The following PTPN12 variants were observed in gnomAD, a reference collection of about 807,000 sequenced individuals.
PTPN12 encodes the protein tyrosine-protein phosphatase non-receptor type 12.
In PTPN12, 29 loss-of-function variants were observed where a neutral mutation model predicts 97.6. The observed-to-expected ratio is 0.30, with a 90% CI of 0.22 to 0.41. The LOEUF (loss-of-function observed/expected upper bound fraction) is 0.41, where lower values mean the gene tolerates loss of function less well. Among genes scored for constraint, PTPN12 ranks in the 10% least tolerant of loss-of-function variants. The pLI is 1.00. For missense variants in PTPN12, 819 were observed against 926.0 expected, an observed-to-expected ratio of 0.88 and a Z score of 1.50; for synonymous variants, 327 against 300.4, an observed-to-expected ratio of 1.09 and a Z score of -0.91.
chr7:77,637,003 A>C lies in PTPN12; in HGVS notation c.2143-15A>C, dbSNP rs1383135865. ...ATGAATGTATTGTAATAGGTATTAA[A>C]TGTCTTCCTCGTAGGGCTTGATAAC... On this transcript the variant is annotated splice_polypyrimidine_tract_variant and intron_variant, in intron 15 of 17. Transcript: ENST00000248594. 6.2e-7 allele frequency: 1 copy of C among 1,600,238 alleles called. No individual in the cohort carries two copies. Among genetic ancestry groups the C allele is most frequent in the Non-Finnish European group, 8.6e-7 (1 of 1,168,936 alleles).
At chr7:77,550,683 A>T (rs118185718) in intron 1 of PTPN12, among the ~76,000 whole-genome samples, 2,793 of 152,340 alleles carry the variant, frequency 0.018, 34 homozygotes, top group Middle Eastern at 0.071. Context: ...CCCTTGTTTG[A>T]TGAGAGGAAT....
rs370646886 is a variant in PTPN12, at chr7:77,627,330, T to C, written c.1651T>C (p.Ser551Pro). The C allele has an allele frequency of 4.5e-5, 73 of 1,614,066 alleles. No individual in the cohort carries two copies. The highest frequency in any genetic ancestry group is 6.2e-5 in the Non-Finnish European group (73 of 1,180,032). The change falls in exon 13 of 18, where the codon TCT becomes CCT. Residue 551 changes from serine to proline, a missense_variant. By Grantham distance (74) the Ser-to-Pro change is moderately conservative. Transcript: ENST00000248594. ...PENAIPIPDL[S>P]EGNSSDINYQ... is the part of the protein sequence containing the mutation. ...AAATGCCATACCCATACCTGATTTA[T>C]CTGAAGGCAATTCCTCAGATATCAA... is the stretch of plus-strand genomic sequence containing the variant.
intron 5 of PTPN12, among the ~76,000 whole-genome samples, chr7:77,587,539 CAG>C (rs959903608): frequency 2.6e-5 from 4 of 152,182 alleles, no homozygotes; most frequent in Admixed American, 2.6e-4. Flanking sequence ...AGAGGACAGA[CAG>C]AGTACATTTG....
At chr7:77,630,359 T>C (rs1328747368) in intron 13 of PTPN12, among the ~76,000 whole-genome samples, 2 of 152,186 alleles carry the variant, frequency 1.3e-5, no homozygotes, top group East Asian at 1.9e-4. Flanking sequence ...CAGGGATATG[T>C]TCTAAGAAAA....
At chr7:77,595,734 T>G (rs548921601) in intron 6 of PTPN12, among the ~76,000 whole-genome samples, 150 of 152,268 alleles carry the variant, frequency 9.9e-4, no homozygotes, top group African/African-American at 3.5e-3. Context: ...TTACTGTAAT[T>G]TTAAAAATTA....
At chr7:77,553,214 T>G (rs1364299498) in intron 1 of PTPN12, among the ~76,000 whole-genome samples, 12 of 152,234 alleles carry the variant, frequency 7.9e-5, no homozygotes, top group Non-Finnish European at 1.0e-4. Flanking sequence ...GAATTTGGTC[T>G]GTCTTGTTGA....
intron 5 of PTPN12, among the ~76,000 whole-genome samples, chr7:77,588,893 G>C (rs1787777216): frequency 1.3e-5 from 2 of 152,138 alleles, no homozygotes; most frequent in Admixed American, 1.3e-4. Flanking sequence ...GAGACTGTGA[G>C]ACAGAATCCT....
chr7:77,562,751 T>G (rs1808057063), intron 1 of PTPN12, among the ~76,000 whole-genome samples: 1 of 152,124 alleles, frequency 6.6e-6, no homozygotes, highest in Non-Finnish European at 1.5e-5. Context: ...CACTTTCCAT[T>G]TATTGTATTA....
rs1554326597 is a variant in PTPN12 at position 77,625,472 on chromosome 7, G to GCGCTCTCTCTCT, written c.1026-1232_1026-1231insGCTCTCTCTCTC. Among the ~76,000 whole-genome samples, 6 of 33,520 alleles carry GCGCTCTCTCTCT rather than the reference G, an allele frequency of 1.8e-4. 1 individual carries two copies. Among genetic ancestry groups the GCGCTCTCTCTCT allele is most frequent in the Non-Finnish European group, 3.0e-4 (6 of 20,030 alleles). 22.0% of individuals were successfully genotyped at this position (33,520 alleles called of 152,430 possible). ...TTTTGCCATATTGCCCAGGCTGCTC[G>GCGCTCTCTCTCT]CTCTCTCTCTCTCTCTCTCTCTCTC... On this transcript the variant is annotated intron_variant, in intron 12 of 17. Transcript: ENST00000248594.
intron 1 of PTPN12, among the ~76,000 whole-genome samples, chr7:77,560,091 C>T (rs905635780): frequency 6.6e-6 from 1 of 152,146 alleles, no homozygotes; most frequent in Admixed American, 6.5e-5. Flanking sequence ...TGAAGCCAGT[C>T]GTCGTCATAA....
intron 6 of PTPN12, among the ~76,000 whole-genome samples, chr7:77,597,114 T>G (rs1286133288): frequency 6.6e-6 from 1 of 152,076 alleles, no homozygotes; most frequent in Non-Finnish European, 1.5e-5. Flanking sequence ...TCATATAGTT[T>G]GTTTTTGTTT....
Position 77,547,128 on chromosome 7 carries a change from TGTCTCTGTCATCCATCCATG to T in PTPN12, c.99+9510_99+9529del, listed in dbSNP as rs540534237. Among the ~76,000 whole-genome samples, 207 of 152,330 alleles carry T rather than the reference TGTCTCTGTCATCCATCCATG, an allele frequency of 1.4e-3. 2 individuals carry two copies. The highest frequency in any genetic ancestry group is 3.1e-3 in the East Asian group (16 of 5,190). ...TAGGCTCTGAAGGAATGCAAAGATT[TGTCTCTGTCATCCATCCATG>T]GTCTCTGTCATCCATCCATGGTCTC... On this transcript the variant is annotated intron_variant, in intron 1 of 17. Coordinates refer to ENST00000248594, the MANE Select transcript of PTPN12 (RefSeq NM_002835.4).
At chr7:77,635,891 C>G in intron 15 of PTPN12, 42 bp downstream of exon 15, 1 of 1,345,120 alleles carries the variant, frequency 7.4e-7, no homozygotes, top group Non-Finnish European at 1.0e-6. Context: ...CTTAACATTT[C>G]TACTCTTTTG....
chr7:77,549,828 A>G (rs369395131), intron 1 of PTPN12, among the ~76,000 whole-genome samples: 48 of 152,178 alleles, frequency 3.2e-4, no homozygotes, highest in African/African-American at 1.1e-3. Flanking sequence ...CAATCCTTCC[A>G]TCTTGGCTCC....
intron 8 of PTPN12, 107 bp downstream of exon 8, chr7:77,600,913 T>C (rs1341178816): frequency 6.9e-6 from 7 of 1,013,612 alleles, no homozygotes; most frequent in Non-Finnish European, 9.9e-6. Context: ...CTCCTAGCCT[T>C]GATACAATGT....
chr7:77,604,197 A>AT lies in PTPN12; in HGVS notation c.696-3031dup, dbSNP rs1231092412. Among the ~76,000 whole-genome samples the AT allele has an allele frequency of 4.9e-5, 3 of 61,574 alleles. No homozygotes were observed. In the East Asian group the frequency reaches 1.1e-3, roughly 22 times the overall value. The allele number at this position is 61,574 out of a possible 152,430, so 40.4% of individuals were successfully genotyped here. On this transcript the variant is annotated intron_variant, in intron 8 of 17. Transcript: ENST00000248594. ...GCCACGGTTCCCAGCCTTTGTTTGC[A>AT]TTTTTTTCTTCCTTTTTTTTTTTTT...
At chr7:77,632,914 G>A (rs1272858760) in intron 14 of PTPN12, among the ~76,000 whole-genome samples, 5 of 151,844 alleles carry the variant, frequency 3.3e-5, no homozygotes, top group African/African-American at 4.8e-5. Flanking sequence ...CCGAGATTGC[G>A]CCATTGCATT....
chr7:77,626,774 C>T lies in PTPN12; in HGVS notation c.1095C>T (p.Ile365=). The T allele has an allele frequency of 6.2e-7, 1 of 1,613,822 alleles. No individual in the cohort carries two copies. The highest frequency in any genetic ancestry group is 8.5e-7 in the Non-Finnish European group (1 of 1,179,796). The change falls in exon 13 of 18, where the codon ATC becomes ATT. Residue 365 remains isoleucine (I), a synonymous_variant. Coordinates refer to ENST00000248594, the MANE Select transcript of PTPN12 (RefSeq NM_002835.4). ...QPPEPHPVPP[I]LTPSPPSAFP... Reference sequence around the variant, plus strand: ...CGGAACCTCATCCAGTGCCACCCATCTTGACACCTTCTCCCCCTTCAGCTT... The same window carrying T: ...CGGAACCTCATCCAGTGCCACCCATTTTGACACCTTCTCCCCCTTCAGCTT...
intron 1 of PTPN12, chr7:77,537,979 G>GC (rs1491559813): frequency 2.1e-5 from 4 of 190,750 alleles, no homozygotes; most frequent in Non-Finnish European, 2.3e-5. Context: ...GGTGCAGGCC[G>GC]GGGGGGGGGG....
Sources: allele counts gnomAD v4.1 joint callset (sites outside exome capture counted in the v4.1 genomes callset), GRCh38; gene constraint gnomAD v4.1.1; transcripts MANE v1.5; gene names NCBI Gene and HGNC (gene_info 2026-07-23, HGNC 2026-07-21).